Variants in SENP8 observed in about 807,000 individuals in gnomAD.
The protein encoded by SENP8 is SUMO peptidase family member, NEDD8 specific.
A neutral mutation model predicts 14.4 loss-of-function variants in SENP8; 10 were observed. The ratio of observed to expected loss-of-function variants is 0.69; its 90% CI spans 0.43 to 1.18. SENP8 has a LOEUF of 1.18. Ranked by LOEUF, SENP8 falls within the 50% of genes most tolerant of loss-of-function variation. SENP8 has a pLI of 0.00. For missense variants in SENP8, 202 were observed against 249.4 expected (o/e 0.81, Z 1.28); for synonymous variants, 94 against 95.5 (o/e 0.98, Z 0.09).
chr15:72,139,483 G>C, intron 1 of SENP8, 94 bp from the exon 2 acceptor site: 3 of 1,198,372 alleles, frequency 2.5e-6, no homozygotes, highest in Non-Finnish European at 2.3e-6. Flanking sequence ...AGGGTCAACT[G>C]TGTATTTTTT....
intron 1 of SENP8, among the ~76,000 whole-genome samples, chr15:72,121,700 T>C (rs1355492736): frequency 6.6e-6 from 1 of 152,202 alleles, no homozygotes; most frequent in African/African-American, 2.4e-5. Flanking sequence ...CACTCCAGCC[T>C]GAGTGACAGA....
upstream of SENP8, chr15:72,118,179 C>T: frequency 2.7e-6 from 1 of 363,732 alleles, no homozygotes; most frequent in East Asian, 4.0e-5. Flanking sequence ...CTACTGCCAG[C>T]ACGGGTCGGC....
intron 1 of SENP8, among the ~76,000 whole-genome samples, chr15:72,126,034 G>A (rs1461548489): frequency 6.6e-6 from 1 of 152,010 alleles, no homozygotes; most frequent in African/African-American, 2.4e-5. Flanking sequence ...TATTGGCCAG[G>A]CGGGTCTCAA....
intron 1 of SENP8, among the ~76,000 whole-genome samples, chr15:72,130,341 T>G (rs2081260960): frequency 6.6e-6 from 1 of 152,220 alleles, no homozygotes. Context: ...GAATAGGGAT[T>G]GGCAAACTTT....
rs528323903 is a variant in SENP8 at position 72,137,994 on chromosome 15, T to C, written c.-47-1583T>C. Among the ~76,000 whole-genome samples the C allele has an allele frequency of 4.6e-5, 7 of 151,586 alleles. No homozygotes were observed. In the South Asian group the frequency reaches 1.5e-3, roughly 32 times the overall value. ...CTCAAAAAAAAAAAGAAAAAGAAAA[T>C]TAGTGTTGAAATGAAAAGTATTTCC... On this transcript the variant is annotated intron_variant, in intron 1 of 1. Transcript: ENST00000340912.
At chr15:72,119,749 G>C (rs866878526) in intron 1 of SENP8, among the ~76,000 whole-genome samples, 3 of 152,062 alleles carry the variant, frequency 2.0e-5, no homozygotes, top group African/African-American at 4.8e-5. Flanking sequence ...CTCCGTCCCC[G>C]CCCCCAGAAA....
chr15:72,119,408 A>G (rs754198966), intron 1 of SENP8, among the ~76,000 whole-genome samples: 29 of 152,236 alleles, frequency 1.9e-4, no homozygotes, highest in East Asian at 1.9e-4. Flanking sequence ...GAGACTCACT[A>G]AACTAGAGAG....
At chr15:72,128,977 A>T (rs1178773102) in intron 1 of SENP8, among the ~76,000 whole-genome samples, 1 of 152,216 alleles carries the variant, frequency 6.6e-6, no homozygotes, top group East Asian at 1.9e-4. Flanking sequence ...TTAGAAAAAA[A>T]TGAGTAAAGG....
intron 1 of SENP8, among the ~76,000 whole-genome samples, chr15:72,126,342 G>A (rs1028152778): frequency 6.6e-6 from 1 of 152,114 alleles, no homozygotes; most frequent in Admixed American, 6.5e-5. Flanking sequence ...AAAATTTCCG[G>A]GCCAGGCACA....
intron 1 of SENP8, among the ~76,000 whole-genome samples, chr15:72,133,392 C>A (rs548101326): frequency 6.6e-6 from 1 of 152,340 alleles, no homozygotes; most frequent in South Asian, 2.1e-4. Flanking sequence ...CTCTACTACT[C>A]CCACTTCATT....
intron 1 of SENP8, among the ~76,000 whole-genome samples, chr15:72,120,919 T>C (rs1019137656): frequency 5.9e-5 from 9 of 152,220 alleles, no homozygotes; most frequent in African/African-American, 2.2e-4. Context: ...AAAACAAAGA[T>C]GCAATTGTTT....
chr15:72,120,829 G>A (rs1313583052), intron 1 of SENP8, among the ~76,000 whole-genome samples: 2 of 152,092 alleles, frequency 1.3e-5, no homozygotes, highest in Non-Finnish European at 2.9e-5. Flanking sequence ...GATTTCTATT[G>A]GTAAAAAAGA....
chr15:72,139,431 C>G, intron 1 of SENP8, 146 bp from the exon 2 acceptor site: 1 of 675,180 alleles, frequency 1.5e-6, no homozygotes, highest in East Asian at 2.8e-5. Flanking sequence ...AAAGAAAATC[C>G]ATGTGTAAGT....
rs1322145455 is a variant in SENP8, at chr15:72,132,697, C to T, written c.-47-6880C>T. 2.0e-5 allele frequency among the ~76,000 whole-genome samples: 3 copies of T among 150,878 alleles called. No homozygotes were observed. In the South Asian group the frequency reaches 6.3e-4, roughly 32 times the overall value. The stretch of plus-strand genomic sequence containing the variant: ...TTTAAACAGAGTCTCACTCTATCCC[C>T]CAGGCTGGAGGGCAGTGGCGAGGTC... On this transcript the variant is annotated intron_variant, in intron 1 of 1. Transcript: ENST00000340912.
rs369282830 is a variant in SENP8 at position 72,120,041 on chromosome 15, A to G, written c.-48+1577A>G. 1.6e-4 allele frequency among the ~76,000 whole-genome samples: 25 copies of G among 152,324 alleles called. No individual in the cohort carries two copies. The East Asian group carries it at 4.2e-3, about 26-fold the overall frequency. On this transcript the variant is annotated intron_variant, in intron 1 of 1. Transcript: ENST00000340912. The stretch of plus-strand genomic sequence containing the variant: ...CCCCAAAATGATCAGAGCTAAGCCA[A>G]TTTATGAGATGCAGAGACCAACATC...
At chr15:72,136,802 A>G (rs184986172) in intron 1 of SENP8, among the ~76,000 whole-genome samples, 1 of 152,140 alleles carries the variant, frequency 6.6e-6, no homozygotes, top group African/African-American at 2.4e-5. Context: ...TTTGTTTTGC[A>G]CTCTCAATCT....
intron 1 of SENP8, among the ~76,000 whole-genome samples, chr15:72,137,299 C>T (rs1227860452): frequency 4.0e-5 from 6 of 149,030 alleles, no homozygotes; most frequent in Admixed American, 3.4e-4. Flanking sequence ...AAGGCGTATA[C>T]CTTTTTAGAA....
At chr15:72,130,557 A>AC (rs759780416) in intron 1 of SENP8, among the ~76,000 whole-genome samples, 3 of 106,164 alleles carry the variant, frequency 2.8e-5, no homozygotes, top group Non-Finnish European at 3.6e-5. Flanking sequence ...ATGTTTTAGG[A>AC]TTTTTTTTTT....
At chr15:72,134,938 C>A in intron 1 of SENP8, 1 of 296,362 alleles carries the variant, frequency 3.4e-6, no homozygotes, top group Non-Finnish European at 6.6e-6. Context: ...ACTCTGAGAA[C>A]AGAGATAGCT....
Sources: allele counts gnomAD v4.1 joint callset (sites outside exome capture counted in the v4.1 genomes callset), GRCh38; gene constraint gnomAD v4.1.1; transcripts MANE v1.5; gene names NCBI Gene and HGNC (gene_info 2026-07-23, HGNC 2026-07-21).